VOPP1: variants seen among roughly 807,000 people sequenced by gnomAD.
VOPP1 encodes VOPP1 WW domain binding protein, also known as WW domain binding protein VOPP1.
Under a neutral mutation model 23.5 loss-of-function variants are expected in VOPP1, and 8 were observed. The ratio of observed to expected loss-of-function variants is 0.34; its 90% CI spans 0.20 to 0.61. VOPP1 has a LOEUF of 0.61. Ranked by LOEUF, VOPP1 falls within the 20% of genes least tolerant of loss-of-function variation. The pLI is 0.78. For missense variants in VOPP1, 174 were observed against 238.1 expected (o/e 0.73, Z 1.77); for synonymous variants, 83 against 97.3 (o/e 0.85, Z 0.86).
chr7:55,490,146 C>A (rs1793460797), intron 4 of VOPP1, among the ~76,000 whole-genome samples: 1 of 152,014 alleles, frequency 6.6e-6, no homozygotes, highest in Non-Finnish European at 1.5e-5. Context: ...CTGGCAGAGA[C>A]CCTGCCGCAG....
intron 4 of VOPP1, among the ~76,000 whole-genome samples, chr7:55,463,767 A>G (rs192340382): frequency 7.4e-4 from 113 of 152,146 alleles, no homozygotes; most frequent in Admixed American, 3.6e-3. Context: ...GACCCTGGAT[A>G]TTGCATGTGG....
intron 2 of VOPP1, among the ~76,000 whole-genome samples, chr7:55,512,381 G>A (rs139488547): frequency 1.3e-5 from 2 of 151,994 alleles, no homozygotes; most frequent in South Asian, 2.1e-4. Context: ...AGCCGAGATC[G>A]TGCCACTGCA....
chr7:55,465,800 CCA>C (rs1432412640), downstream of VOPP1, among the ~76,000 whole-genome samples: 1 of 152,148 alleles, frequency 6.6e-6, no homozygotes, highest in Non-Finnish European at 1.5e-5. Flanking sequence ...TCTTCAGAGC[CCA>C]CAGTCTTTCC....
chr7:55,509,709 T>C (rs1360454002), intron 2 of VOPP1, among the ~76,000 whole-genome samples: 1 of 152,212 alleles, frequency 6.6e-6, no homozygotes, highest in East Asian at 1.9e-4. Flanking sequence ...CTGGCTCCAT[T>C]TCCTGGGTAT....
chr7:55,478,396 G>C (rs996340228), intron 4 of VOPP1, among the ~76,000 whole-genome samples: 1 of 152,060 alleles, frequency 6.6e-6, no homozygotes, highest in Non-Finnish European at 1.5e-5. Context: ...ACAGAATGAA[G>C]TCAGGAAAAA....
chr7:55,440,859 G>A (rs915226995), intron 4 of VOPP1, among the ~76,000 whole-genome samples: 4 of 152,108 alleles, frequency 2.6e-5, no homozygotes, highest in Non-Finnish European at 5.9e-5. Flanking sequence ...CTGAGTATAC[G>A]CCGCTGGCAC....
At chr7:55,488,362 C>G (rs909363900) in intron 4 of VOPP1, among the ~76,000 whole-genome samples, 2 of 152,204 alleles carry the variant, frequency 1.3e-5, no homozygotes, top group East Asian at 3.8e-4. Flanking sequence ...ACTTTCCAGC[C>G]TCTGCACAAC....
chr7:55,441,008 T>C (rs566140063), intron 4 of VOPP1, among the ~76,000 whole-genome samples: 1 of 152,380 alleles, frequency 6.6e-6, no homozygotes, highest in Admixed American at 6.5e-5. Context: ...CATGGAATTA[T>C]TTTGCTGATA....
At chr7:55,568,990 C>G (rs118082876) in intron 1 of VOPP1, among the ~76,000 whole-genome samples, 1,660 of 152,324 alleles carry the variant, frequency 0.011, 11 homozygotes, top group Middle Eastern at 0.024. Context: ...AGGTTCCCTA[C>G]TCTTAGCCAC....
chr7:55,527,743 A>C (rs977186824), intron 1 of VOPP1, among the ~76,000 whole-genome samples: 1 of 152,364 alleles, frequency 6.6e-6, no homozygotes, highest in Non-Finnish European at 1.5e-5. Context: ...TACATGATTC[A>C]ATGAGAAAAA....
chr7:55,474,164 G>C (rs1792059087), intron 4 of VOPP1, among the ~76,000 whole-genome samples: 2 of 152,244 alleles, frequency 1.3e-5, no homozygotes, highest in African/African-American at 4.8e-5. Flanking sequence ...GCCTCGCCCT[G>C]CATCTGTGCC....
intron 4 of VOPP1, among the ~76,000 whole-genome samples, chr7:55,479,620 T>TA (rs1215078017): frequency 5.3e-5 from 8 of 152,242 alleles, no homozygotes; most frequent in African/African-American, 1.9e-4. Flanking sequence ...CCAGAAATTT[T>TA]AGAGCAATAT....
chr7:55,546,393 A>G (rs538675486), intron 1 of VOPP1, among the ~76,000 whole-genome samples: 5 of 152,382 alleles, frequency 3.3e-5, no homozygotes, highest in Non-Finnish European at 5.9e-5. Flanking sequence ...GTAGGATGCA[A>G]GAAGTTTTGG....
intron 4 of VOPP1, among the ~76,000 whole-genome samples, chr7:55,459,429 A>C (rs2129003245): frequency 6.6e-6 from 1 of 152,202 alleles, no homozygotes; most frequent in Admixed American, 6.5e-5. Context: ...ATTGTTTTTA[A>C]ACAGTTTGTG....
chr7:55,483,932 T>G (rs1167099410), intron 4 of VOPP1, among the ~76,000 whole-genome samples: 2 of 152,194 alleles, frequency 1.3e-5, no homozygotes, highest in African/African-American at 4.8e-5. Context: ...AATTTTTGTA[T>G]TTTTAGTAGA....
intron 4 of VOPP1, among the ~76,000 whole-genome samples, chr7:55,436,591 C>T (rs1790827550): frequency 1.3e-5 from 2 of 149,178 alleles, no homozygotes; most frequent in Non-Finnish European, 3.0e-5. Context: ...GGCTTTCAGA[C>T]AATTGTGCAT....
chr7:55,531,755 C>G (rs959000501), intron 1 of VOPP1, among the ~76,000 whole-genome samples: 3 of 152,126 alleles, frequency 2.0e-5, no homozygotes, highest in Non-Finnish European at 2.9e-5. Flanking sequence ...TTTGGGCACC[C>G]GGCTTTGATG....
intron 4 of VOPP1, among the ~76,000 whole-genome samples, chr7:55,451,300 G>C (rs1791237653): frequency 6.6e-6 from 1 of 152,156 alleles, no homozygotes; most frequent in Middle Eastern, 3.2e-3. Flanking sequence ...AGAAACGCCT[G>C]AAGTACAGGA....
intron 2 of VOPP1, among the ~76,000 whole-genome samples, chr7:55,506,614 T>C (rs980423805): frequency 6.6e-6 from 1 of 150,432 alleles, no homozygotes; most frequent in Admixed American, 6.6e-5. Context: ...TGGGATTACA[T>C]GCATGAGCCA....
Sources: allele counts gnomAD v4.1 joint callset (sites outside exome capture counted in the v4.1 genomes callset), GRCh38; gene constraint gnomAD v4.1.1; transcripts MANE v1.5; gene names NCBI Gene and HGNC (gene_info 2026-07-23, HGNC 2026-07-21).